UNC80: variants seen among roughly 807,000 people sequenced by gnomAD.
UNC80 encodes unc-80 subunit of NALCN channel complex.
Under a neutral mutation model 384.6 loss-of-function variants are expected in UNC80, and 164 were observed. That is an observed-to-expected ratio of 0.43 (90% CI 0.38 to 0.49). The LOEUF is 0.49. UNC80 is among the 20% of genes least tolerant of loss of function. The probability of loss-of-function intolerance (pLI) is 0.00; values close to 1 mark genes in which losing one functional copy is unlikely to be tolerated. For synonymous variants in UNC80, 1,486 were observed against 1,527.8 expected (o/e 0.97, Z 0.64); for missense variants, 3,330 against 4,143.0 (o/e 0.80, Z 5.39).
At chr2:209,887,349 T>C (rs1384368928) in intron 25 of UNC80, among the ~76,000 whole-genome samples, 1 of 152,148 alleles carries the variant, frequency 6.6e-6, no homozygotes, top group African/African-American at 2.4e-5. Flanking sequence ...CCTCCATCTT[T>C]ATAGCTAGAA....
intron 48 of UNC80, among the ~76,000 whole-genome samples, chr2:209,957,281 G>C (rs1040301603): frequency 6.6e-6 from 1 of 152,118 alleles, no homozygotes; most frequent in East Asian, 1.9e-4. Context: ...TTATTATCTA[G>C]AATGGTGAAC....
At chr2:209,982,355 G>A in intron 60 of UNC80, 38 bp downstream of exon 60, 1 of 1,484,500 alleles carries the variant, frequency 6.7e-7, no homozygotes, top group East Asian at 2.6e-5. Context: ...TGCATTTGGG[G>A]GCAAAGTTAG....
chr2:209,832,461 AGATATT>A (rs2081041978), intron 16 of UNC80, among the ~76,000 whole-genome samples: 2 of 152,174 alleles, frequency 1.3e-5, no homozygotes, highest in African/African-American at 4.8e-5. Context: ...CCAGTCTGTT[AGATATT>A]ATGACTCCTA....
chr2:209,781,145 A>C (rs1179898716), intron 4 of UNC80, among the ~76,000 whole-genome samples: 1 of 152,184 alleles, frequency 6.6e-6, no homozygotes, highest in African/African-American at 2.4e-5. Context: ...GCATGAACCC[A>C]TGCCTCCATA....
intron 4 of UNC80, among the ~76,000 whole-genome samples, chr2:209,784,779 G>A (rs1409860069): frequency 6.6e-6 from 1 of 152,168 alleles, no homozygotes; most frequent in African/African-American, 2.4e-5. Flanking sequence ...CGGGTATATG[G>A]TAGGTGCTCT....
intron 4 of UNC80, among the ~76,000 whole-genome samples, chr2:209,785,060 G>T (rs2077350240): frequency 6.6e-6 from 1 of 152,112 alleles, no homozygotes; most frequent in Non-Finnish European, 1.5e-5. Context: ...GTCATCAGGG[G>T]GATCTTTAGA....
intron 7 of UNC80, among the ~76,000 whole-genome samples, chr2:209,807,606 G>C (rs55967055): frequency 6.6e-6 from 1 of 151,618 alleles, no homozygotes; most frequent in Non-Finnish European, 1.5e-5. Context: ...CTCGTGATCC[G>C]CCTGCCTCAG....
chr2:209,812,114 A>G (rs892662776), intron 7 of UNC80, among the ~76,000 whole-genome samples: 35 of 151,986 alleles, frequency 2.3e-4, no homozygotes, highest in African/African-American at 7.0e-4. Flanking sequence ...CAGTGGCGCT[A>G]TCTCGGCTCA....
intron 26 of UNC80, among the ~76,000 whole-genome samples, chr2:209,891,120 G>GA (rs1287041470): frequency 4.6e-5 from 7 of 152,240 alleles, no homozygotes; most frequent in African/African-American, 1.7e-4. Flanking sequence ...TTCTTAGAAG[G>GA]AATAGCCCTG....
At chr2:209,786,211 T>C (rs2077418003) in intron 5 of UNC80, 22 bp downstream of exon 5, 2 of 1,611,562 alleles carry the variant, frequency 1.2e-6, no homozygotes, top group African/African-American at 1.3e-5. Context: ...GGACACTCAG[T>C]AGGACAGTAT....
intron 47 of UNC80, among the ~76,000 whole-genome samples, chr2:209,953,597 G>A (rs1044773887): frequency 2.0e-5 from 3 of 152,174 alleles, no homozygotes; most frequent in African/African-American, 4.8e-5. Flanking sequence ...GTTCACTCAC[G>A]TTGGTAAGCA....
At chr2:209,897,369 A>G (rs1444768383) in intron 28 of UNC80, among the ~76,000 whole-genome samples, 1 of 152,190 alleles carries the variant, frequency 6.6e-6, no homozygotes, top group Non-Finnish European at 1.5e-5. Flanking sequence ...CCACTGTTCT[A>G]CCTTCTAACA....
chr2:209,914,714 T>A (rs911710412), intron 31 of UNC80, among the ~76,000 whole-genome samples: 9 of 151,898 alleles, frequency 5.9e-5, no homozygotes, highest in African/African-American at 2.2e-4. Context: ...TATGTATATA[T>A]GTAAGTTGTG....
At chr2:209,855,783 A>T (rs2082868535) in intron 22 of UNC80, among the ~76,000 whole-genome samples, 1 of 151,910 alleles carries the variant, frequency 6.6e-6, no homozygotes, top group Non-Finnish European at 1.5e-5. Context: ...GTTTAACATT[A>T]TGTTTGAGTT....
At chr2:209,804,079 C>T (rs2078730221) in intron 7 of UNC80, among the ~76,000 whole-genome samples, 1 of 152,098 alleles carries the variant, frequency 6.6e-6, no homozygotes, top group South Asian at 2.1e-4. Flanking sequence ...AGTATTTCTA[C>T]ATTAATCATT....
Position 209,978,527 on chromosome 2 carries a change from AGCC to A in UNC80, c.8939-1_8940del. ...TTTCCTTTGGTCTCTCGCATCCTCT[AGCC>A]TACCAAGGCAAGACATCCATCAGTA... On this transcript the variant is annotated splice_acceptor_variant and coding_sequence_variant, in exon 59 of 65. Coordinates refer to ENST00000673920, the MANE Select transcript of UNC80 (RefSeq NM_001371986.1). LOFTEE classifies it high-confidence loss of function. 6.5e-7 allele frequency: 1 copy of A among 1,538,094 alleles called. No individual in the cohort carries two copies. The highest frequency in any genetic ancestry group is 8.8e-7 in the Non-Finnish European group (1 of 1,136,464).
rs925932377 is a variant in UNC80, at chr2:209,904,954, A to G, written c.4771A>G (p.Lys1591Glu). 2 of 1,551,588 alleles carry G rather than the reference A, an allele frequency of 1.3e-6. No homozygotes were observed. Among genetic ancestry groups the G allele is most frequent in the African/African-American group, 2.7e-5 (2 of 73,042 alleles). Residue 1591 changes from lysine to glutamate, a missense_variant, in exon 29 of 65, where the codon AAA becomes GAA. By Grantham distance (56) the Lys-to-Glu change is moderately conservative. This residue lies in a region of UNC80 where 801 missense variants were observed against 950.8 expected (regional missense o/e 0.84). Coordinates refer to ENST00000673920, the MANE Select transcript of UNC80 (RefSeq NM_001371986.1). ...CAGCAGTGTGGCTCTCCGGGGCAAG[A>G]AACAGAAAGAAGTAAGTAAATGACC... The part of the protein sequence containing the change: ...NISSVALRGK[K>E]QKECSDKSCL...
rs1423969186 is a variant in UNC80 at position 209,846,379 on chromosome 2, G to A, written c.3455-3072G>A. Among the ~76,000 whole-genome samples, 3 of 152,046 alleles carry A rather than the reference G, an allele frequency of 2.0e-5. No homozygotes were observed. In the East Asian group the frequency reaches 5.8e-4, roughly 29 times the overall value. Reference sequence around the variant, plus strand: ...TTTAAAAATCATGTTGTCTCTATTTGAGGGAAGGTGTTTGATCAATTAAAA... The same window carrying A: ...TTTAAAAATCATGTTGTCTCTATTTAAGGGAAGGTGTTTGATCAATTAAAA... On this transcript the variant is annotated intron_variant, in intron 21 of 64. Coordinates refer to ENST00000673920, the MANE Select transcript of UNC80 (RefSeq NM_001371986.1).
chr2:209,896,502 A>G (rs998525973), intron 28 of UNC80, 89 bp downstream of exon 28: 39 of 1,075,848 alleles, frequency 3.6e-5, no homozygotes, highest in Middle Eastern at 2.0e-4. Flanking sequence ...ATTATACTAA[A>G]TCATCAATCC....
Sources: gnomAD v4.1 joint callset for allele counts (sites outside exome capture counted in the v4.1 genomes callset) on GRCh38, gnomAD v4.1.1 for gene constraint, gnomAD v4.1.1 regional missense constraint, MANE v1.5 for transcripts, NCBI Gene and HGNC (gene_info 2026-07-23, HGNC 2026-07-21) for gene names.